The following RGS5 variants were observed in gnomAD, a reference collection of about 807,000 sequenced individuals.
The protein encoded by RGS5 is regulator of G protein signaling 5, also known as regulator of G-protein signalling 5.
RGS5 carries 20 observed loss-of-function variants against 18.9 expected under a neutral mutation model. That is an observed-to-expected ratio of 1.06 (90% CI 0.74 to 1.54). The LOEUF (loss-of-function observed/expected upper bound fraction) is 1.54. RGS5 is among the 40% of genes most tolerant of loss of function. The pLI, the probability that RGS5 is intolerant of heterozygous loss-of-function variation, is 0.00. For missense variants in RGS5, 201 were observed against 211.8 expected, an observed-to-expected ratio of 0.95 and a Z score of 0.32; for synonymous variants, 57 against 76.2, an observed-to-expected ratio of 0.75 and a Z score of 1.31.
chr1:163,273,171 G>C (rs1382322248), intron 2 of RGS5, among the ~76,000 whole-genome samples: 1 of 152,020 alleles, frequency 6.6e-6, no homozygotes, highest in African/African-American at 2.4e-5. Context: ...TCTATCTGCA[G>C]AATTTTCCAA....
intron 2 of RGS5, among the ~76,000 whole-genome samples, chr1:163,254,360 G>C (rs1648208305): frequency 6.6e-6 from 1 of 152,092 alleles, no homozygotes; most frequent in Admixed American, 6.6e-5. Context: ...GTGTGAGATG[G>C]TATCTCATTG....
intron 1 of RGS5, among the ~76,000 whole-genome samples, chr1:163,179,126 T>C (rs887396863): frequency 2.6e-5 from 4 of 152,166 alleles, no homozygotes; most frequent in Non-Finnish European, 4.4e-5. Flanking sequence ...AAGTGGAACA[T>C]TGAACTCTTA....
chr1:163,292,894 T>G (rs1277283821), intron 2 of RGS5, among the ~76,000 whole-genome samples: 1 of 152,212 alleles, frequency 6.6e-6, no homozygotes, highest in Non-Finnish European at 1.5e-5. Context: ...TTTGTTTAAG[T>G]TCCTTATGGA....
At chr1:163,274,071 G>C (rs1391500513) in intron 2 of RGS5, among the ~76,000 whole-genome samples, 1 of 152,112 alleles carries the variant, frequency 6.6e-6, no homozygotes, top group Non-Finnish European at 1.5e-5. Flanking sequence ...AAATACATTT[G>C]GTCTTGGCCC....
intron 1 of RGS5, among the ~76,000 whole-genome samples, chr1:163,188,895 G>A (rs1659213184): frequency 7.0e-6 from 1 of 142,220 alleles, no homozygotes; most frequent in Non-Finnish European, 1.5e-5. Context: ...AGAGGTTGCA[G>A]TGAGCCAAGA....
intron 1 of RGS5, among the ~76,000 whole-genome samples, chr1:163,202,357 G>A (rs1243160949): frequency 3.3e-5 from 5 of 151,868 alleles, no homozygotes; most frequent in Non-Finnish European, 5.9e-5. Context: ...GAGAACTCTC[G>A]GTATCTCCAT....
At chr1:163,162,011 C>A (rs766468080) in intron 2 of RGS5, 35 bp from the exon 3 acceptor site, 1 of 1,488,604 alleles carries the variant, frequency 6.7e-7, no homozygotes, top group Non-Finnish European at 9.4e-7. Context: ...AGGGGTATGG[C>A]GTAAGTAGGC....
chr1:163,285,761 G>A (rs1311479249), intron 2 of RGS5, among the ~76,000 whole-genome samples: 1 of 151,742 alleles, frequency 6.6e-6, no homozygotes, highest in African/African-American at 2.4e-5. Context: ...TTGAAAGTTT[G>A]TAGCACCTTC....
At chr1:163,209,674 T>C (rs1660053620) in intron 1 of RGS5, among the ~76,000 whole-genome samples, 2 of 151,778 alleles carry the variant, frequency 1.3e-5, no homozygotes, top group Admixed American at 6.6e-5. Context: ...TGTCCTCTAA[T>C]TAATTTCTTA....
At position 163,192,910 on chromosome 1, in the gene RGS5, T is replaced by C. The variant is rs558852984; in HGVS notation, c.44+9882A>G. Among the ~76,000 whole-genome samples the C allele has an allele frequency of 1.2e-3, 189 of 152,284 alleles. 1 individual carries two copies. Among genetic ancestry groups the C allele is most frequent in the African/African-American group, 4.5e-3 (188 of 41,564 alleles). ...TATCACTTAAAATAACTTGCCAAAA[T>C]ACAGGAAGCTATTTTTTAATGGAAC... On this transcript the variant is annotated intron_variant, in intron 1 of 4. Coordinates refer to ENST00000313961, the MANE Select transcript of RGS5 (RefSeq NM_003617.4).
At chr1:163,186,578 C>CAAAAAAAAAAA (rs34092786) in intron 1 of RGS5, among the ~76,000 whole-genome samples, 5 of 95,864 alleles carry the variant, frequency 5.2e-5, no homozygotes, top group Admixed American at 1.3e-4. Context: ...GACTCTGTCT[C>CAAAAAAAAAAA]AAAAAAAAAA....
intron 2 of RGS5, among the ~76,000 whole-genome samples, chr1:163,253,235 TTC>T: frequency 6.6e-6 from 1 of 152,194 alleles, no homozygotes; most frequent in East Asian, 1.9e-4. Flanking sequence ...TACATACCAG[TTC>T]TCTCATCATT....
intron 2 of RGS5, among the ~76,000 whole-genome samples, chr1:163,239,481 G>A (rs1338981416): frequency 3.6e-5 from 5 of 140,780 alleles, no homozygotes; most frequent in African/African-American, 7.8e-5. Context: ...GCAAGAATCC[G>A]TCTCTTAAAA....
intron 3 of RGS5, among the ~76,000 whole-genome samples, chr1:163,156,683 C>T (rs1657592867): frequency 6.6e-6 from 1 of 152,114 alleles, no homozygotes; most frequent in Non-Finnish European, 1.5e-5. Context: ...GAAGCATTTC[C>T]TTCCAAGTGA....
intron 2 of RGS5, among the ~76,000 whole-genome samples, chr1:163,262,600 T>C (rs1571326602): frequency 9.1e-6 from 1 of 110,392 alleles, no homozygotes; most frequent in Non-Finnish European, 1.8e-5. Flanking sequence ...CTATTGTGAA[T>C]AGTGCCGCAA....
At chr1:163,312,364 T>C (rs1336635203) in intron 1 of RGS5, among the ~76,000 whole-genome samples, 2 of 152,204 alleles carry the variant, frequency 1.3e-5, no homozygotes, top group Non-Finnish European at 2.9e-5. Context: ...AACGGACTAA[T>C]ACAATAATTA....
At chr1:163,229,934 A>G (rs1647435375) in intron 2 of RGS5, among the ~76,000 whole-genome samples, 1 of 152,234 alleles carries the variant, frequency 6.6e-6, no homozygotes, top group African/African-American at 2.4e-5. Flanking sequence ...GTCATTAACA[A>G]ATATTCACCA....
chr1:163,312,006 T>C (rs1649879445), intron 1 of RGS5, among the ~76,000 whole-genome samples: 7 of 152,226 alleles, frequency 4.6e-5, no homozygotes, highest in Admixed American at 3.9e-4. Context: ...ATAATTGATA[T>C]GGTTTGGCTT....
intron 1 of RGS5, among the ~76,000 whole-genome samples, chr1:163,315,151 T>C (rs1434563327): frequency 6.6e-6 from 1 of 152,156 alleles, no homozygotes; most frequent in Non-Finnish European, 1.5e-5. Context: ...CAAATAAAAT[T>C]AGACTACATT....
Sources: allele counts gnomAD v4.1 joint callset (sites outside exome capture counted in the v4.1 genomes callset), GRCh38; gene constraint gnomAD v4.1.1; transcripts MANE v1.5; gene names NCBI Gene and HGNC (gene_info 2026-07-23, HGNC 2026-07-21).